The following WWTR1 variants were observed in gnomAD, a reference collection of about 807,000 sequenced individuals.
The protein encoded by WWTR1 is WW domain containing transcription regulator 1, also known as WW domain-containing transcription regulator protein 1.
In WWTR1, 13 loss-of-function variants were observed where a neutral mutation model predicts 40.1. That is an observed-to-expected ratio of 0.32 (90% CI 0.21 to 0.52). The LOEUF (loss-of-function observed/expected upper bound fraction) is 0.52, where lower values mean the gene tolerates loss of function less well. Ranked by LOEUF, WWTR1 falls within the 20% of genes least tolerant of loss-of-function variation. The pLI, the probability that WWTR1 is intolerant of heterozygous loss-of-function variation, is 0.97. For synonymous variants in WWTR1, 230 were observed against 210.1 expected, an observed-to-expected ratio of 1.09 and a Z score of -0.82; for missense variants, 436 against 523.1, an observed-to-expected ratio of 0.83 and a Z score of 1.63.
intron 2 of WWTR1, among the ~76,000 whole-genome samples, chr3:149,622,510 AAAGAAAG>A (rs1173658761): frequency 3.2e-4 from 36 of 113,666 alleles, no homozygotes; most frequent in African/African-American, 1.1e-3. Flanking sequence ...AGGAAGAAAG[AAAGAAAG>A]AAAGAAAGAA....
At chr3:149,621,803 C>A (rs779475081) in intron 2 of WWTR1, among the ~76,000 whole-genome samples, 2 of 152,272 alleles carry the variant, frequency 1.3e-5, no homozygotes, top group Admixed American at 6.5e-5. Context: ...GGACCAGTGA[C>A]CTAACATTAA....
At chr3:149,572,507 T>C (rs767617632) in intron 3 of WWTR1, among the ~76,000 whole-genome samples, 59 of 152,162 alleles carry the variant, frequency 3.9e-4, no homozygotes, top group Middle Eastern at 3.4e-3. Flanking sequence ...AGCAGTATCA[T>C]GAGTTGGTGG....
rs890316348 is a variant in WWTR1, at chr3:149,564,778, A to C, written c.568+8086T>G. ...TCTAAGCAATGTGTTTTTCAAAAAA[A>C]TAGAAGTATAATTATAGCATAAACA... On this transcript the variant is annotated intron_variant, in intron 3 of 6. Coordinates refer to ENST00000360632, the MANE Select transcript of WWTR1 (RefSeq NM_015472.6). 8.5e-5 allele frequency among the ~76,000 whole-genome samples: 13 copies of C among 152,334 alleles called. 1 individual carries two copies. The highest frequency in any genetic ancestry group is 5.9e-4 in the Admixed American group (9 of 15,294).
chr3:149,544,706 G>A (rs894834873), intron 3 of WWTR1, among the ~76,000 whole-genome samples: 5 of 152,176 alleles, frequency 3.3e-5, no homozygotes, highest in Non-Finnish European at 7.3e-5. Flanking sequence ...ATCTTAGACT[G>A]AAGAAGAGGA....
chr3:149,622,504 A>AGGAAGAAG (rs397962361), intron 2 of WWTR1, among the ~76,000 whole-genome samples: 1 of 134,876 alleles, frequency 7.4e-6, no homozygotes, highest in Non-Finnish European at 1.6e-5. Context: ...GAAGGAAGGA[A>AGGAAGAAG]GAAAGAAAGA....
intron 3 of WWTR1, among the ~76,000 whole-genome samples, chr3:149,565,616 T>C (rs966172504): frequency 2.6e-5 from 4 of 152,122 alleles, no homozygotes; most frequent in South Asian, 2.1e-4. Context: ...AGAAAGGAAC[T>C]ATAAAGAATG....
chr3:149,630,485 A>C (rs1485062576), intron 2 of WWTR1, among the ~76,000 whole-genome samples: 1 of 152,114 alleles, frequency 6.6e-6, no homozygotes, highest in African/African-American at 2.4e-5. Context: ...ATATGGCTCT[A>C]TTTGGGACAG....
upstream of WWTR1, among the ~76,000 whole-genome samples, chr3:149,704,299 T>C (rs761483507): frequency 1.2e-4 from 18 of 152,330 alleles, no homozygotes; most frequent in African/African-American, 4.1e-4. Flanking sequence ...AAAAATAGGA[T>C]ACTTTGCATA....
chr3:149,540,668 T>C (rs1207214810), intron 4 of WWTR1, among the ~76,000 whole-genome samples: 1 of 152,130 alleles, frequency 6.6e-6, no homozygotes, highest in Non-Finnish European at 1.5e-5. Context: ...CATGACACTA[T>C]ATATCTAAAA....
intron 2 of WWTR1, among the ~76,000 whole-genome samples, chr3:149,619,706 A>G (rs1403215539): frequency 6.6e-6 from 1 of 152,152 alleles, no homozygotes; most frequent in African/African-American, 2.4e-5. Context: ...ATTAGAGCAC[A>G]ACAAAGGTAA....
chr3:149,600,840 G>C (rs1365604434), intron 2 of WWTR1, among the ~76,000 whole-genome samples: 1 of 152,164 alleles, frequency 6.6e-6, no homozygotes, highest in African/African-American at 2.4e-5. Context: ...CAGCCACCAT[G>C]CCATAAGGAA....
At chr3:149,678,546 A>G (rs572377124) in intron 1 of WWTR1, among the ~76,000 whole-genome samples, 1 of 152,314 alleles carries the variant, frequency 6.6e-6, no homozygotes, top group East Asian at 1.9e-4. Context: ...CTATGCCATT[A>G]GATCCCACAC....
At chr3:149,593,155 C>T (rs1738813785) in intron 2 of WWTR1, among the ~76,000 whole-genome samples, 1 of 152,216 alleles carries the variant, frequency 6.6e-6, no homozygotes, top group Non-Finnish European at 1.5e-5. Flanking sequence ...TGCCATCACT[C>T]CTGCCAGTTC....
intron 1 of WWTR1, among the ~76,000 whole-genome samples, chr3:149,701,012 C>T (rs1344763494): frequency 6.6e-6 from 1 of 152,218 alleles, no homozygotes; most frequent in Non-Finnish European, 1.5e-5. Context: ...CCATTGCAAG[C>T]TGCAGCTGCA....
At chr3:149,710,596 T>C (rs1223819653) in intron 5 of WWTR1, among the ~76,000 whole-genome samples, 1 of 113,470 alleles carries the variant, frequency 8.8e-6, no homozygotes, top group Admixed American at 9.8e-5. Flanking sequence ...TTTTTTTTTT[T>C]TGAGATTGAG....
intron 2 of WWTR1, among the ~76,000 whole-genome samples, chr3:149,652,094 C>A (rs556000070): frequency 4.7e-5 from 7 of 150,528 alleles, no homozygotes; most frequent in Admixed American, 1.3e-4. Flanking sequence ...CCGCCCGCCT[C>A]GGCCTCCCAA....
chr3:149,597,816 T>C lies in WWTR1; in HGVS notation c.432-24816A>G, dbSNP rs562761154. Among the ~76,000 whole-genome samples the C allele has an allele frequency of 1.6e-4, 24 of 152,330 alleles. No individual in the cohort carries two copies. The South Asian group carries it at 4.1e-3, about 26-fold the overall frequency. On this transcript the variant is annotated intron_variant, in intron 2 of 6. Transcript: ENST00000360632. ...ACTTTACTTCGTGCCACTGAAAGTG[T>C]AGGCCGAATCCTTTTTTTGTTTGGT...
chr3:149,642,360 C>T (rs1365948817), intron 2 of WWTR1, among the ~76,000 whole-genome samples: 5 of 151,696 alleles, frequency 3.3e-5, no homozygotes, highest in East Asian at 1.9e-4. Flanking sequence ...GCAGAGGTTG[C>T]GGTGAACTGA....
chr3:149,528,641 T>C (rs570946986), intron 4 of WWTR1, among the ~76,000 whole-genome samples: 1 of 151,906 alleles, frequency 6.6e-6, no homozygotes, highest in African/African-American at 2.4e-5. Context: ...AATACAAAAA[T>C]TAGTTGGGTG....
Sources: gnomAD v4.1 joint callset for allele counts (sites outside exome capture counted in the v4.1 genomes callset) on GRCh38, gnomAD v4.1.1 for gene constraint, MANE v1.5 for transcripts, NCBI Gene and HGNC (gene_info 2026-07-23, HGNC 2026-07-21) for gene names.